PCDHGB3: variants seen among roughly 807,000 people sequenced by gnomAD.
PCDHGB3 encodes protocadherin gamma-B3.
Under a neutral mutation model 59.2 loss-of-function variants are expected in PCDHGB3, and 40 were observed. That is an observed-to-expected ratio of 0.68 (90% CI 0.52 to 0.88). The LOEUF (loss-of-function observed/expected upper bound fraction) is 0.88. Ranked by LOEUF, PCDHGB3 falls within the 40% of genes least tolerant of loss-of-function variation. The pLI, the probability that PCDHGB3 is intolerant of heterozygous loss-of-function variation, is 0.00. For missense variants in PCDHGB3, 1,309 were observed against 1,187.9 expected (o/e 1.10, Z -1.50); for synonymous variants, 581 against 503.6 (o/e 1.15, Z -2.06).
At chr5:141,399,434 T>C (rs937697147) in intron 1 of PCDHGB3, 1 of 1,614,008 alleles carries the variant, frequency 6.2e-7, no homozygotes. Flanking sequence ...AGCGTCATCC[T>C]ACATATCAGA....
intron 1 of PCDHGB3, chr5:141,398,766 T>C (rs775055352): frequency 6.2e-6 from 10 of 1,613,844 alleles, no homozygotes; most frequent in Non-Finnish European, 7.6e-6. Flanking sequence ...TAGTCCTGAC[T>C]GCCTTGGACG....
At position 141,420,090 on chromosome 5, in the gene PCDHGB3, G is replaced by A. The variant is rs779478924; in HGVS notation, c.2415+47281G>A. 4.2e-5 allele frequency: 68 copies of A among 1,613,932 alleles called. No individual in the cohort carries two copies. Among genetic ancestry groups the A allele is most frequent in the Non-Finnish European group, 5.7e-5 (67 of 1,179,886 alleles). On this transcript the variant is annotated intron_variant, in intron 1 of 3. Coordinates refer to ENST00000576222, the MANE Select transcript of PCDHGB3 (RefSeq NM_018924.5). ...GGACCTGTGGGTCCCCCCAACTACA[G>A]TGAGGGAACGTTGCCCTATGCCTAT...
chr5:141,439,459 A>T (rs558086952), intron 1 of PCDHGB3, among the ~76,000 whole-genome samples: 1 of 152,340 alleles, frequency 6.6e-6, no homozygotes, highest in African/African-American at 2.4e-5. Flanking sequence ...GCAAGACTGC[A>T]CTGCTGCCTT....
At chr5:141,388,658 G>T in intron 1 of PCDHGB3, 7 of 1,613,908 alleles carry the variant, frequency 4.3e-6, no homozygotes, top group Non-Finnish European at 5.9e-6. Context: ...TGTACCCGGG[G>T]ACCACGGTGC....
At position 141,491,809 on chromosome 5, in the gene PCDHGB3, C is replaced by A. The variant is rs1421763758; in HGVS notation, c.2416-2998C>A. The A allele has an allele frequency of 6.7e-7, 1 of 1,487,044 alleles. No homozygotes were observed. The highest frequency in any genetic ancestry group is 1.4e-5 in the South Asian group (1 of 72,986). The allele number at this position is 1,487,044 out of a possible 1,614,324, so 92.1% of individuals were successfully genotyped here. On this transcript the variant is annotated intron_variant, in intron 1 of 3. Coordinates refer to ENST00000576222, the MANE Select transcript of PCDHGB3 (RefSeq NM_018924.5). This position sits in a 1 kb window ranked among gnomAD's most constrained non-coding sequence, Gnocchi z 6.9. Reference sequence around the variant, plus strand: ...TCCACTCCTCTCCGGCCGGCTTGGTCGCTGGCTGCGCTCCACCCGATTCTC... The same window carrying A: ...TCCACTCCTCTCCGGCCGGCTTGGTAGCTGGCTGCGCTCCACCCGATTCTC...
Position 141,490,446 on chromosome 5 carries a change from C to T in PCDHGB3, c.2416-4361C>T, listed in dbSNP as rs779502898. 2.5e-6 allele frequency: 4 copies of T among 1,614,196 alleles called. No homozygotes were observed. The highest frequency in any genetic ancestry group is 3.4e-6 in the Non-Finnish European group (4 of 1,180,016). ...CATTTCAGATTAAGCCTTCTGAGAA[C>T]CACTACTCGCTGCTAACCAGCCAGC... On this transcript the variant is annotated intron_variant, in intron 1 of 3. Coordinates refer to ENST00000576222, the MANE Select transcript of PCDHGB3 (RefSeq NM_018924.5). The surrounding 1 kb of genome is among the most constrained non-coding windows in gnomAD (Gnocchi z 5.4).
At chr5:141,496,886 C>T (rs1562175671) in intron 2 of PCDHGB3, among the ~76,000 whole-genome samples, 1 of 135,246 alleles carries the variant, frequency 7.4e-6, no homozygotes, top group African/African-American at 2.9e-5. Context: ...ACAAGTAACA[C>T]TTAAAAAAAA....
At chr5:141,468,837 G>T in intron 1 of PCDHGB3, among the ~76,000 whole-genome samples, 1 of 152,108 alleles carries the variant, frequency 6.6e-6, no homozygotes, top group South Asian at 2.1e-4. Flanking sequence ...CTGCACTCCA[G>T]CCTGGGCAAC....
chr5:141,407,497 G>GTTTTTTTTTTTTTTTTTTTTTTTTT (rs1554102286), intron 1 of PCDHGB3, among the ~76,000 whole-genome samples: 1 of 151,974 alleles, frequency 6.6e-6, no homozygotes, highest in African/African-American at 2.4e-5. Context: ...CTTTATTTCT[G>GTTTTTTTTTTTTTTTTTTTTTTTTT]TTTTTCTTAG....
intron 1 of PCDHGB3, among the ~76,000 whole-genome samples, chr5:141,453,049 G>C (rs1287375098): frequency 1.3e-5 from 2 of 152,222 alleles, no homozygotes; most frequent in East Asian, 3.9e-4. Context: ...TCTATTATGT[G>C]CAGTTTTAGA....
rs953397576 is a variant in PCDHGB3, at chr5:141,410,111, G to A, written c.2415+37302G>A. 6 of 1,612,264 alleles carry A rather than the reference G, an allele frequency of 3.7e-6. No homozygotes were observed. In the African/African-American group the frequency reaches 6.7e-5, roughly 18 times the overall value. On this transcript the variant is annotated intron_variant, in intron 1 of 3. Transcript: ENST00000576222. ...GGCTCGAGCCTTAGGCGACAGGGACGCAGCCCGCCAGCGCCTGCTGGTCGC... is the reference window on the plus strand; with the variant it reads ...GGCTCGAGCCTTAGGCGACAGGGACACAGCCCGCCAGCGCCTGCTGGTCGC...
chr5:141,422,018 T>C, intron 1 of PCDHGB3: 1 of 1,610,840 alleles, frequency 6.2e-7, no homozygotes, highest in Non-Finnish European at 8.5e-7. Context: ...CGGGTGCTGA[T>C]GGTTAATGCA....
In PCDHGB3 at chr5:141,432,847, G is replaced by A. The variant is rs768265171; in HGVS notation, c.2415+60038G>A. On this transcript the variant is annotated intron_variant, in intron 1 of 3. Transcript: ENST00000576222. The surrounding 1 kb of genome is among the most constrained non-coding windows in gnomAD (Gnocchi z 6.0). Reference sequence around the variant, plus strand: ...ACCTCACTCTGTACCTGGTGGTAGCGGTGGCCGCGGTCTCCTGCGTCTTCC... The same window carrying A: ...ACCTCACTCTGTACCTGGTGGTAGCAGTGGCCGCGGTCTCCTGCGTCTTCC... 5.0e-6 allele frequency: 8 copies of A among 1,614,180 alleles called. No homozygotes were observed. The highest frequency in any genetic ancestry group is 6.8e-6 in the Non-Finnish European group (8 of 1,179,994).
intron 1 of PCDHGB3, chr5:141,382,648 G>A (rs1561591657): frequency 2.5e-6 from 1 of 403,370 alleles, no homozygotes; most frequent in Non-Finnish European, 4.4e-6. Flanking sequence ...CAGTAACTTA[G>A]TAAGGACTCA....
intron 3 of PCDHGB3, among the ~76,000 whole-genome samples, chr5:141,509,450 C>A (rs2099876883): frequency 6.6e-6 from 1 of 152,128 alleles, no homozygotes; most frequent in Non-Finnish European, 1.5e-5. Context: ...CCTCTCCCAC[C>A]CCCGACCCAG....
chr5:141,420,789 C>G (rs1403213574), intron 1 of PCDHGB3, among the ~76,000 whole-genome samples: 2 of 152,198 alleles, frequency 1.3e-5, no homozygotes, highest in Non-Finnish European at 2.9e-5. Flanking sequence ...ATTTTGAAAA[C>G]TTTTTAAAAA....
In PCDHGB3 at chr5:141,371,744, C is replaced by G. The variant is rs759273098; in HGVS notation, c.1350C>G (p.Pro450=). 23 of 1,613,922 alleles carry G rather than the reference C, an allele frequency of 1.4e-5. No individual in the cohort carries two copies. The highest frequency in any genetic ancestry group is 8.9e-5 in the East Asian group (4 of 44,896). Residue 450 remains proline, a synonymous_variant, in exon 1 of 4, where the codon CCC becomes CCG. Transcript: ENST00000576222. ...TCCTTGATGTCAACGACAACGTTCC[C>G]GTTTTCCACCAGGCCTCCTACACCG... ...LHILDVNDNV[P]VFHQASYTVH...
At chr5:141,388,735 C>T (rs758511912) in intron 1 of PCDHGB3, 9 of 1,613,974 alleles carry the variant, frequency 5.6e-6, no homozygotes, top group Non-Finnish European at 7.6e-6. Context: ...TTCAGTGAAG[C>T]TAGCCAGATC....
intron 1 of PCDHGB3, chr5:141,374,106 C>T (rs377211748): frequency 1.1e-5 from 17 of 1,572,446 alleles, no homozygotes; most frequent in South Asian, 3.5e-5. Flanking sequence ...CAGAGGCATC[C>T]GCAGCGCAGC....
Sources: gnomAD v4.1 joint callset for allele counts (sites outside exome capture counted in the v4.1 genomes callset) on GRCh38, gnomAD v4.1.1 for gene constraint, Gnocchi (gnomAD v3.1) non-coding constraint, MANE v1.5 for transcripts, NCBI Gene and HGNC (gene_info 2026-07-23, HGNC 2026-07-21) for gene names.